SPECC1: variants seen among roughly 807,000 people sequenced by gnomAD.
SPECC1 encodes the protein sperm antigen with calponin homology and coiled-coil domains 1, also known as cytospin-B.
A neutral mutation model predicts 104.1 loss-of-function variants in SPECC1; 62 were observed. That is an observed-to-expected ratio of 0.60 (90% CI 0.49 to 0.74). The LOEUF (loss-of-function observed/expected upper bound fraction) is 0.74, where lower values mean the gene tolerates loss of function less well. SPECC1 is among the 30% of genes least tolerant of loss of function. The probability of loss-of-function intolerance (pLI) is 0.00; values close to 1 mark genes in which losing one functional copy is unlikely to be tolerated. For missense variants in SPECC1, 1,306 were observed against 1,310.5 expected (o/e 1.00, Z 0.05); for synonymous variants, 513 against 501.6 (o/e 1.02, Z -0.30).
At chr17:20,085,175 G>C (rs1428321776) in intron 1 of SPECC1, among the ~76,000 whole-genome samples, 1 of 152,202 alleles carries the variant, frequency 6.6e-6, no homozygotes, top group East Asian at 1.9e-4. Context: ...CAAGACAGCT[G>C]GCAGGAGTGG....
intron 7 of SPECC1, among the ~76,000 whole-genome samples, chr17:20,240,650 T>C (rs956717621): frequency 6.6e-6 from 1 of 152,206 alleles, no homozygotes; most frequent in East Asian, 1.9e-4. Context: ...AGTCATCCTT[T>C]GTCCACTGAA....
chr17:20,177,876 A>G (rs944683291), intron 3 of SPECC1, among the ~76,000 whole-genome samples: 7 of 141,838 alleles, frequency 4.9e-5, no homozygotes, highest in African/African-American at 1.3e-4. Flanking sequence ...CGCCCGGCTA[A>G]TTTTTGTATT....
chr17:20,014,657 C>G (rs1304074779), intron 1 of SPECC1, among the ~76,000 whole-genome samples: 1 of 152,208 alleles, frequency 6.6e-6, no homozygotes, highest in Non-Finnish European at 1.5e-5. Context: ...GTGCACGCGT[C>G]TGACTCTCGT....
chr17:20,030,973 A>AT (rs1218548487), intron 1 of SPECC1, among the ~76,000 whole-genome samples: 1 of 151,812 alleles, frequency 6.6e-6, no homozygotes, highest in African/African-American at 2.4e-5. Flanking sequence ...CTGCTTAATT[A>AT]TTTTTTGGTT....
chr17:20,258,160 G>C (rs1489195740), intron 11 of SPECC1, among the ~76,000 whole-genome samples: 1 of 152,208 alleles, frequency 6.6e-6, no homozygotes, highest in Admixed American at 6.5e-5. Flanking sequence ...AAGTTTGTGG[G>C]ATTTTGTTTC....
chr17:20,094,617 A>G (rs1209138649), intron 1 of SPECC1, among the ~76,000 whole-genome samples: 1 of 152,150 alleles, frequency 6.6e-6, no homozygotes, highest in African/African-American at 2.4e-5. Flanking sequence ...TGGAAAATGT[A>G]GACAGATTGC....
At position 20,099,540 on chromosome 17, in the gene SPECC1, T is replaced by G. The variant is rs1158368444; in HGVS notation, c.147+2742T>G. ...AAAAAAAAAAAAAAAAAAAAAAAAA[T>G]TAGCCTTAGCCGGGCGTGGTGGCAT... On this transcript the variant is annotated intron_variant, in intron 2 of 14. Coordinates refer to ENST00000395527, the MANE Select transcript of SPECC1 (RefSeq NM_001243439.2). Among the ~76,000 whole-genome samples the G allele has an allele frequency of 6.7e-4, 78 of 117,014 alleles. 1 individual carries two copies. Among genetic ancestry groups the G allele is most frequent in the Non-Finnish European group, 1.3e-4 (7 of 55,574 alleles). 76.8% of individuals were successfully genotyped at this position (117,014 alleles called of 152,430 possible). A position where few individuals can be genotyped will look rare whatever the true frequency, so the allele number is the denominator to read the frequency against.
chr17:20,105,403 G>A (rs1016115548), intron 2 of SPECC1, among the ~76,000 whole-genome samples: 7 of 152,144 alleles, frequency 4.6e-5, no homozygotes, highest in African/African-American at 1.7e-4. Flanking sequence ...CAGTACCTGG[G>A]TCATATAGGT....
At chr17:20,120,761 G>A (rs1321734022) in intron 3 of SPECC1, among the ~76,000 whole-genome samples, 1 of 152,126 alleles carries the variant, frequency 6.6e-6, no homozygotes, top group Non-Finnish European at 1.5e-5. Context: ...TTGTGATTTT[G>A]AACTTACAAG....
chr17:20,084,284 T>A (rs978245058), intron 1 of SPECC1, among the ~76,000 whole-genome samples: 5 of 152,056 alleles, frequency 3.3e-5, no homozygotes, highest in African/African-American at 1.2e-4. Context: ...TAAAAATTAG[T>A]CGGGCACAGT....
At chr17:20,039,283 T>G (rs1043663235) in intron 1 of SPECC1, among the ~76,000 whole-genome samples, 8 of 152,184 alleles carry the variant, frequency 5.3e-5, no homozygotes, top group Admixed American at 6.6e-5. Context: ...TTCAGTGGTG[T>G]TAAGTTCTTC....
intron 12 of SPECC1, among the ~76,000 whole-genome samples, chr17:20,275,110 A>G (rs576475606): frequency 6.6e-6 from 1 of 152,188 alleles, no homozygotes; most frequent in South Asian, 2.1e-4. Flanking sequence ...AGCTATCCAT[A>G]TGGTTTCTTC....
At chr17:20,306,684 GAAA>G (rs991727928) in intron 14 of SPECC1, among the ~76,000 whole-genome samples, 1 of 152,226 alleles carries the variant, frequency 6.6e-6, no homozygotes, top group Admixed American at 6.5e-5. Context: ...AGGAGAGAGA[GAAA>G]AGAGAGAGAG....
intron 1 of SPECC1, among the ~76,000 whole-genome samples, chr17:20,031,228 C>T (rs2044797118): frequency 6.6e-6 from 1 of 152,186 alleles, no homozygotes; most frequent in South Asian, 2.1e-4. Flanking sequence ...CTCCTGGTCT[C>T]AAGTGATCGC....
At chr17:20,065,572 A>G (rs1597639659) in intron 1 of SPECC1, among the ~76,000 whole-genome samples, 1 of 152,262 alleles carries the variant, frequency 6.6e-6, no homozygotes, top group East Asian at 1.9e-4. Context: ...CCCTCCAGAA[A>G]CTTCCAGGTG....
chr17:20,069,785 T>C (rs759682053), intron 1 of SPECC1, among the ~76,000 whole-genome samples: 12 of 152,156 alleles, frequency 7.9e-5, no homozygotes, highest in Non-Finnish European at 1.8e-4. Flanking sequence ...GTGTAGACTT[T>C]CCACTTACTC....
At chr17:20,132,315 A>C (rs183883267) in intron 3 of SPECC1, among the ~76,000 whole-genome samples, 48 of 152,242 alleles carry the variant, frequency 3.2e-4, no homozygotes, top group African/African-American at 1.1e-3. Context: ...AGAATTTAAA[A>C]ATCTGTATTC....
At chr17:20,065,305 C>T (rs2046321083) in intron 1 of SPECC1, among the ~76,000 whole-genome samples, 1 of 152,188 alleles carries the variant, frequency 6.6e-6, no homozygotes, top group Admixed American at 6.5e-5. Context: ...ACTCAGGCCC[C>T]AAGGCTGCCT....
intron 1 of SPECC1, among the ~76,000 whole-genome samples, chr17:20,037,233 G>T (rs2152449223): frequency 6.6e-6 from 1 of 151,756 alleles, no homozygotes; most frequent in East Asian, 1.9e-4. Flanking sequence ...AAGGAGTTTT[G>T]TGTCTATACT....
Sources: gnomAD v4.1 joint callset for allele counts (sites outside exome capture counted in the v4.1 genomes callset) on GRCh38, gnomAD v4.1.1 for gene constraint, MANE v1.5 for transcripts, NCBI Gene and HGNC (gene_info 2026-07-23, HGNC 2026-07-21) for gene names.